HEATR4: variants seen among roughly 807,000 people sequenced by gnomAD.
The protein encoded by HEATR4 is HEAT repeat-containing protein 4.
In HEATR4, 95 loss-of-function variants were observed where a neutral mutation model predicts 108.8. The ratio of observed to expected loss-of-function variants is 0.87; its 90% CI spans 0.74 to 1.04. The LOEUF is 1.04. Among genes scored for constraint, HEATR4 ranks in the 50% least tolerant of loss-of-function variants. The probability of loss-of-function intolerance (pLI) is 0.00; values close to 1 mark genes in which losing one functional copy is unlikely to be tolerated. For missense variants in HEATR4, 1,152 were observed against 1,253.8 expected (o/e 0.92, Z 1.23); for synonymous variants, 443 against 459.4 (o/e 0.96, Z 0.46).
the HEATR4 span, among the ~76,000 whole-genome samples, chr14:73,607,524 C>T: frequency 1.3e-5 from 2 of 152,178 alleles, no homozygotes; most frequent in African/African-American, 4.8e-5. Context: ...GGAGACATTT[C>T]CCCATTGTCT....
chr14:73,524,205 T>C (rs888350651), intron 2 of HEATR4, among the ~76,000 whole-genome samples: 17 of 149,258 alleles, frequency 1.1e-4, no homozygotes, highest in Non-Finnish European at 1.5e-4. Flanking sequence ...GGCAGGAGAA[T>C]TGCTTGAACC....
At chr14:73,560,837 G>A (rs1363732348), upstream of HEATR4, among the ~76,000 whole-genome samples, 16 of 151,860 alleles carry the variant, frequency 1.1e-4, no homozygotes, top group Admixed American at 9.9e-4. Context: ...AAACCCTGTT[G>A]AAGGTTCCTC....
the HEATR4 span, among the ~76,000 whole-genome samples, chr14:73,593,020 A>G: frequency 6.6e-6 from 1 of 152,164 alleles, no homozygotes; most frequent in African/African-American, 2.4e-5. Flanking sequence ...TTTGCTATTA[A>G]TCACTACCCT....
chr14:73,573,622 A>G, the HEATR4 span: 1 of 1,611,586 alleles, frequency 6.2e-7, no homozygotes, highest in East Asian at 2.2e-5. Flanking sequence ...ATGGGCTATG[A>G]TGTATCAGGT....
chr14:73,491,555 G>A (rs1885744807), intron 17 of HEATR4: 3 of 1,538,106 alleles, frequency 2.0e-6, no homozygotes, highest in South Asian at 1.2e-5. Flanking sequence ...TGGGGAGCCG[G>A]CCTGGGACTC....
At chr14:73,569,601 G>T in the HEATR4 span, 10 of 1,601,632 alleles carry the variant, frequency 6.2e-6, no homozygotes, top group Non-Finnish European at 6.8e-6. Context: ...CACTCTTGGC[G>T]AGCTGGACCT....
At chr14:73,619,625 A>G in the HEATR4 span, 2 of 1,614,088 alleles carry the variant, frequency 1.2e-6, no homozygotes, top group African/African-American at 2.7e-5. Flanking sequence ...GAAAGACCCC[A>G]GATAATCTGT....
At chr14:73,561,015 G>A (rs1283393566), upstream of HEATR4, among the ~76,000 whole-genome samples, 1 of 152,046 alleles carries the variant, frequency 6.6e-6, no homozygotes, top group Admixed American at 6.6e-5. Context: ...ATCAGTGAAT[G>A]AATGGATAAA....
the HEATR4 span, chr14:73,619,328 T>G: frequency 1.2e-6 from 2 of 1,614,220 alleles, no homozygotes; most frequent in Admixed American, 1.7e-5. Context: ...ACAGCCACTG[T>G]ACTTATCAAT....
chr14:73,569,857 T>C, the HEATR4 span: 1 of 1,604,906 alleles, frequency 6.2e-7, no homozygotes, highest in Non-Finnish European at 8.5e-7. Flanking sequence ...GTGGGCCGGG[T>C]GCGAGGCACG....
At chr14:73,508,977 C>G (rs1363921312) in intron 8 of HEATR4, among the ~76,000 whole-genome samples, 1 of 151,928 alleles carries the variant, frequency 6.6e-6, no homozygotes, top group Non-Finnish European at 1.5e-5. Flanking sequence ...ATATATAGGT[C>G]TGCCTCAGCC....
chr14:73,497,068 G>C (rs982972579), intron 14 of HEATR4, among the ~76,000 whole-genome samples: 1 of 152,270 alleles, frequency 6.6e-6, no homozygotes, highest in Non-Finnish European at 1.5e-5. Flanking sequence ...GCTAGTTTTT[G>C]TATTTTTAGT....
intron 2 of HEATR4, among the ~76,000 whole-genome samples, chr14:73,525,739 A>G (rs1322115128): frequency 6.6e-6 from 1 of 152,112 alleles, no homozygotes; most frequent in African/African-American, 2.4e-5. Context: ...AATCACTTGA[A>G]GTCAAGAGTT....
chr14:73,614,941 AC>A, the HEATR4 span, among the ~76,000 whole-genome samples: 1 of 151,174 alleles, frequency 6.6e-6, no homozygotes, highest in Non-Finnish European at 1.5e-5. Context: ...TACTAAAAAT[AC>A]AAAAGTTAGC....
chr14:73,626,874 C>T, the HEATR4 span, among the ~76,000 whole-genome samples: 20,936 of 144,794 alleles, frequency 0.14, 2,099 homozygotes, highest in Non-Finnish European at 0.22. Flanking sequence ...TCTCAGCTCA[C>T]GGCAACCTCT....
At chr14:73,592,165 G>A in the HEATR4 span, 3 of 1,602,696 alleles carry the variant, frequency 1.9e-6, no homozygotes, top group East Asian at 2.3e-5. Context: ...CCCGCGCTGG[G>A]CGGCAGCTTC....
rs747494362 is a variant in HEATR4 at position 73,491,389 on chromosome 14, C to T, written c.2844+1677G>A. The stretch of plus-strand genomic sequence containing the variant: ...AGACCCCGTCGGCGCGCCTGGTGCC[C>T]GCTTCCGCGCCGCCCGCGCGCCTGG... On this transcript the variant is annotated intron_variant, in intron 17 of 17. Coordinates refer to ENST00000553558, the MANE Select transcript of HEATR4 (RefSeq NM_001220484.1). 7.4e-6 allele frequency: 10 copies of T among 1,349,584 alleles called. No individual in the cohort carries two copies. The South Asian group carries it at 2.0e-4, about 26-fold the overall frequency. 83.6% of individuals were successfully genotyped at this position (1,349,584 alleles called of 1,614,324 possible). A position where few individuals can be genotyped will look rare whatever the true frequency, so the allele number is the denominator to read the frequency against.
upstream of HEATR4, among the ~76,000 whole-genome samples, chr14:73,561,379 GAAA>G (rs779545399): frequency 4.1e-5 from 6 of 147,614 alleles, no homozygotes; most frequent in Non-Finnish European, 9.0e-5. Flanking sequence ...AAAAAAGAAA[GAAA>G]AAAAAAGAAA....
chr14:73,499,033 T>G (rs759016309), intron 13 of HEATR4, 38 bp downstream of exon 13: 6 of 1,564,710 alleles, frequency 3.8e-6, no homozygotes, highest in Non-Finnish European at 5.3e-6. Flanking sequence ...GCAAAGGTAT[T>G]TAAGGTTGAA....
Sources: gnomAD v4.1 joint callset for allele counts (sites outside exome capture counted in the v4.1 genomes callset) on GRCh38, gnomAD v4.1.1 for gene constraint, MANE v1.5 for transcripts, NCBI Gene and HGNC (gene_info 2026-07-23, HGNC 2026-07-21) for gene names.